Variants in RYR2 observed in about 807,000 individuals in gnomAD.
RYR2 encodes the protein cardiac muscle ryanodine receptor-calcium release channel.
Under a neutral mutation model 601.1 loss-of-function variants are expected in RYR2, and 227 were observed. That is an observed-to-expected ratio of 0.38 (90% CI 0.34 to 0.42). The LOEUF (loss-of-function observed/expected upper bound fraction) is 0.42, where lower values mean the gene tolerates loss of function less well. Ranked by LOEUF, RYR2 falls within the 10% of genes least tolerant of loss-of-function variation. The pLI is 1.00. For missense variants in RYR2, 4,646 were observed against 6,156.5 expected (o/e 0.75, Z 8.21); for synonymous variants, 2,223 against 2,175.1 (o/e 1.02, Z -0.61).
At chr1:237,213,909 C>CTTTTTT (rs1682868487) in intron 1 of RYR2, among the ~76,000 whole-genome samples, 1 of 107,360 alleles carries the variant, frequency 9.3e-6, no homozygotes, top group Non-Finnish European at 2.0e-5. Flanking sequence ...CTTTTTTTTT[C>CTTTTTT]TTTTTCTTTT....
intron 1 of RYR2, among the ~76,000 whole-genome samples, chr1:237,117,871 A>G (rs1483736582): frequency 6.6e-6 from 1 of 151,984 alleles, no homozygotes; most frequent in East Asian, 1.9e-4. Flanking sequence ...TCAGCCTCCC[A>G]AGTAGCTGGG....
intron 1 of RYR2, among the ~76,000 whole-genome samples, chr1:237,263,346 G>A (rs1688727189): frequency 6.6e-6 from 1 of 152,262 alleles, no homozygotes; most frequent in East Asian, 1.9e-4. Context: ...CATAACATTT[G>A]CAGGCACAGT....
At chr1:237,739,010 T>C (rs1355367823) in intron 79 of RYR2, among the ~76,000 whole-genome samples, 1 of 152,192 alleles carries the variant, frequency 6.6e-6, no homozygotes, top group East Asian at 1.9e-4. Context: ...ACCAAATGGG[T>C]ATGAAATGGT....
chr1:237,578,015 C>T (rs1287251600), intron 29 of RYR2, among the ~76,000 whole-genome samples: 2 of 152,066 alleles, frequency 1.3e-5, no homozygotes, highest in African/African-American at 4.8e-5. Flanking sequence ...GTTAGCCAGG[C>T]TGGTGGCTGG....
intron 17 of RYR2, among the ~76,000 whole-genome samples, chr1:237,488,014 T>A (rs1572551967): frequency 6.6e-6 from 1 of 152,122 alleles, no homozygotes; most frequent in East Asian, 1.9e-4. Context: ...ATCGGGGATT[T>A]GTTTTCATAT....
intron 1 of RYR2, among the ~76,000 whole-genome samples, chr1:237,265,391 G>A (rs767563980): frequency 6.6e-6 from 1 of 151,942 alleles, no homozygotes; most frequent in Non-Finnish European, 1.5e-5. Flanking sequence ...GCACAATCTC[G>A]GATCACTGCA....
rs794728730 is a variant in RYR2, at chr1:237,503,291, T to C, written c.2399T>C (p.Val800Ala). ...PVVSFSAGIK[V>A]RFLLGGRHGE... ...ACTCTAACGTGCATCCTCTTTAGAGTACGCTTTCTGCTTGGAGGGCGACAT... is the reference window on the plus strand; with the variant it reads ...ACTCTAACGTGCATCCTCTTTAGAGCACGCTTTCTGCTTGGAGGGCGACAT... Residue 800 changes from valine to alanine, a missense_variant and splice_region_variant, in exon 22 of 105, where the codon GTA becomes GCA. Physicochemically the swap from Val to Ala is moderately conservative, Grantham distance 64. Coordinates refer to ENST00000366574, the MANE Select transcript of RYR2 (RefSeq NM_001035.3). 25 of 1,601,996 alleles carry C rather than the reference T, an allele frequency of 1.6e-5. No homozygotes were observed. Among genetic ancestry groups the C allele is most frequent in the Non-Finnish European group, 2.0e-5 (23 of 1,173,804 alleles).
chr1:237,755,248 AT>A, intron 80 of RYR2: 1 of 406,624 alleles, frequency 2.5e-6, no homozygotes, highest in Non-Finnish European at 4.1e-6. Context: ...GCAAGCCTTC[AT>A]TTTTTAAACC....
chr1:237,408,274 T>G (rs1369876096), intron 10 of RYR2, among the ~76,000 whole-genome samples: 5 of 151,944 alleles, frequency 3.3e-5, no homozygotes, highest in African/African-American at 1.2e-4. Flanking sequence ...TTTCTACACA[T>G]GTGTATAAAG....
At chr1:237,520,160 T>C (rs1316710663) in intron 24 of RYR2, among the ~76,000 whole-genome samples, 2 of 152,232 alleles carry the variant, frequency 1.3e-5, no homozygotes, top group Non-Finnish European at 2.9e-5. Context: ...TGATTTTACA[T>C]GCTGCAACTT....
At chr1:237,474,296 TAC>T (rs753428719) in intron 17 of RYR2, among the ~76,000 whole-genome samples, 1 of 49,692 alleles carries the variant, frequency 2.0e-5, no homozygotes, top group African/African-American at 4.0e-5. Flanking sequence ...TATATATATA[TAC>T]ACACACACAC....
At chr1:237,310,642 G>C (rs1195294573) in intron 2 of RYR2, among the ~76,000 whole-genome samples, 1 of 152,128 alleles carries the variant, frequency 6.6e-6, no homozygotes, top group Non-Finnish European at 1.5e-5. Flanking sequence ...ACACACCACA[G>C]ACTGTTTCTG....
At chr1:237,292,540 T>C (rs767005108) in intron 2 of RYR2, among the ~76,000 whole-genome samples, 5 of 152,174 alleles carry the variant, frequency 3.3e-5, no homozygotes, top group Non-Finnish European at 5.9e-5. Context: ...TGTTTATATA[T>C]TTTGTATTGA....
chr1:237,684,428 G>T (rs1239607500), intron 62 of RYR2, among the ~76,000 whole-genome samples: 1 of 152,048 alleles, frequency 6.6e-6, no homozygotes, highest in Non-Finnish European at 1.5e-5. Context: ...CAGAGTGCTG[G>T]GAATATAGAA....
intron 1 of RYR2, among the ~76,000 whole-genome samples, chr1:237,260,256 C>T (rs1688384683): frequency 1.3e-5 from 2 of 152,114 alleles, no homozygotes; most frequent in South Asian, 4.1e-4. Context: ...AATACGCACC[C>T]AGAGGAACTT....
chr1:237,571,439 C>T (rs1002146835), intron 29 of RYR2, among the ~76,000 whole-genome samples: 7 of 151,846 alleles, frequency 4.6e-5, no homozygotes, highest in African/African-American at 9.7e-5. Flanking sequence ...CTCAGCCTCC[C>T]AAGTAGCTGG....
intron 1 of RYR2, among the ~76,000 whole-genome samples, chr1:237,200,320 G>A (rs988667630): frequency 2.0e-5 from 3 of 151,684 alleles, no homozygotes; most frequent in Non-Finnish European, 4.4e-5. Flanking sequence ...TTGGAGTGCA[G>A]TGAGCATGAT....
At chr1:237,325,164 A>G (rs2149540933) in intron 2 of RYR2, among the ~76,000 whole-genome samples, 1 of 152,342 alleles carries the variant, frequency 6.6e-6, no homozygotes, top group Non-Finnish European at 1.5e-5. Context: ...GAACACGTTG[A>G]TTAATCTTCA....
At chr1:237,152,385 G>A (rs949817246) in intron 1 of RYR2, among the ~76,000 whole-genome samples, 10 of 152,138 alleles carry the variant, frequency 6.6e-5, no homozygotes, top group African/African-American at 2.2e-4. Context: ...GGGATGGCTG[G>A]GTCAAATGGG....
Sources: allele counts gnomAD v4.1 joint callset (sites outside exome capture counted in the v4.1 genomes callset), GRCh38; gene constraint gnomAD v4.1.1; transcripts MANE v1.5; gene names NCBI Gene and HGNC (gene_info 2026-07-23, HGNC 2026-07-21).